Variants in PLEKHG1 observed in about 807,000 individuals in gnomAD.
The protein encoded by PLEKHG1 is pleckstrin homology and RhoGEF domain containing G1.
A neutral mutation model predicts 100.8 loss-of-function variants in PLEKHG1; 44 were observed. The ratio of observed to expected loss-of-function variants is 0.44; its 90% CI spans 0.34 to 0.56. The LOEUF (loss-of-function observed/expected upper bound fraction) is 0.56, where lower values mean the gene tolerates loss of function less well. Among genes scored for constraint, PLEKHG1 ranks in the 20% least tolerant of loss-of-function variants. PLEKHG1 has a pLI of 0.01. For synonymous variants in PLEKHG1, 640 were observed against 662.5 expected (o/e 0.97, Z 0.52); for missense variants, 1,545 against 1,720.9 (o/e 0.90, Z 1.81).
At chr6:150,677,282 CT>C (rs1386876119) in intron 3 of PLEKHG1, among the ~76,000 whole-genome samples, 1 of 119,352 alleles carries the variant, frequency 8.4e-6, no homozygotes, top group Non-Finnish European at 1.8e-5. Flanking sequence ...GTTTCTTCCC[CT>C]ATACACACAC....
intron 1 of PLEKHG1, among the ~76,000 whole-genome samples, chr6:150,618,118 T>C (rs147779695): frequency 6.6e-6 from 1 of 152,368 alleles, no homozygotes; most frequent in African/African-American, 2.4e-5. Context: ...CTCTTGTTGA[T>C]GTTTGCAAAC....
intron 1 of PLEKHG1, among the ~76,000 whole-genome samples, chr6:150,613,784 C>T (rs554732774): frequency 7.2e-5 from 11 of 152,196 alleles, no homozygotes; most frequent in Non-Finnish European, 1.6e-4. Context: ...CTTACTGTGC[C>T]TTATTCCCCT....
At chr6:150,783,856 G>A (rs1785462534) in intron 3 of PLEKHG1, among the ~76,000 whole-genome samples, 2 of 152,028 alleles carry the variant, frequency 1.3e-5, no homozygotes, top group Non-Finnish European at 2.9e-5. Context: ...CATATTTCTA[G>A]AAAAATAATT....
At position 150,795,847 on chromosome 6, in the gene PLEKHG1, T is replaced by C; in HGVS notation, c.583-9T>C. The C allele has an allele frequency of 1.9e-6, 3 of 1,585,052 alleles. No individual in the cohort carries two copies. The highest frequency in any genetic ancestry group is 2.6e-6 in the Non-Finnish European group (3 of 1,154,732). ...GTTGCCTATAAAAATTTCTTTTGTT[T>C]CCTTGCAGAGTGAAGAGTTCCACAT... is the stretch of plus-strand genomic sequence containing the variant. On this transcript the variant is annotated splice_polypyrimidine_tract_variant and intron_variant, in intron 4 of 15. Transcript: ENST00000358517.
chr6:150,799,484 A>G (rs1047031376), intron 5 of PLEKHG1, among the ~76,000 whole-genome samples: 2 of 152,214 alleles, frequency 1.3e-5, no homozygotes, highest in Non-Finnish European at 2.9e-5. Context: ...CCTGTACCCA[A>G]GACTTCCGGG....
rs1776950462 is a variant in PLEKHG1 at position 150,831,792 on chromosome 6, C to T, written c.2681C>T (p.Pro894Leu). 1.2e-6 allele frequency: 2 copies of T among 1,613,118 alleles called. No homozygotes were observed. Among genetic ancestry groups the T allele is most frequent in the Middle Eastern group, 1.7e-4 (1 of 6,058 alleles). ...CGCTCTGTGTCCACGCTGTCCCTGCCTGAGAGCCAGGCTCTCCTCACGCCC... is the reference window on the plus strand; with the variant it reads ...CGCTCTGTGTCCACGCTGTCCCTGCTTGAGAGCCAGGCTCTCCTCACGCCC... The change falls in exon 15 of 16, where the codon CCT becomes CTT. Residue 894 changes from proline to leucine, a missense_variant. Transcript: ENST00000358517. The surrounding 1 kb of genome is among the most constrained non-coding windows in gnomAD (Gnocchi z 4.1).
intron 3 of PLEKHG1, among the ~76,000 whole-genome samples, chr6:150,677,080 G>A (rs1178238389): frequency 1.3e-5 from 2 of 152,014 alleles, no homozygotes; most frequent in East Asian, 3.9e-4. Context: ...TCCTTAGCAG[G>A]TGTCTATCTC....
At chr6:150,794,275 A>G (rs563859809) in intron 4 of PLEKHG1, among the ~76,000 whole-genome samples, 56 of 152,334 alleles carry the variant, frequency 3.7e-4, no homozygotes, top group African/African-American at 1.3e-3. Flanking sequence ...AACAGGCAAA[A>G]GATTTTAAAA....
rs774464059 is a variant in PLEKHG1, at chr6:150,817,554, A to ATT, written c.1279-609_1279-608dup. Among the ~76,000 whole-genome samples, 923 of 115,558 alleles carry ATT rather than the reference A, an allele frequency of 8.0e-3. 23 individuals carry two copies. Among genetic ancestry groups the ATT allele is most frequent in the African/African-American group, 0.031 (859 of 28,128 alleles). 75.8% of individuals were successfully genotyped at this position (115,558 alleles called of 152,430 possible). A position where few individuals can be genotyped will look rare whatever the true frequency, so the allele number is the denominator to read the frequency against. On this transcript the variant is annotated intron_variant, in intron 10 of 15. Transcript: ENST00000358517. ...TCAGGGTTGGGTGGCAAGAATCTGC[A>ATT]TTTTTTTTTTTTTTTTTTTTTGAGA...
chr6:150,667,801 T>C (rs941115202), intron 3 of PLEKHG1, among the ~76,000 whole-genome samples: 4 of 152,208 alleles, frequency 2.6e-5, no homozygotes, highest in Non-Finnish European at 5.9e-5. Context: ...GTGACTCTCC[T>C]TTAGAACTAC....
In PLEKHG1 at chr6:150,644,350, T is replaced by G. The variant is rs577426250; in HGVS notation, c.-158+6225T>G. On this transcript the variant is annotated intron_variant, in intron 2 of 3. Transcript: ENST00000367326. ...TCTTTTCGTGTTTTTTTTTTTTTTT[T>G]TTGTTACAGAGTCTCACTCTGTCAC... 1.7e-4 allele frequency among the ~76,000 whole-genome samples: 25 copies of G among 148,768 alleles called. 1 individual carries two copies. Among genetic ancestry groups the G allele is most frequent in the East Asian group, 3.9e-4 (2 of 5,104 alleles).
At chr6:150,827,731 G>GGAAAGAATT in intron 14 of PLEKHG1, 1 of 1,349,788 alleles carries the variant, frequency 7.4e-7, no homozygotes, top group Non-Finnish European at 1.1e-6. Context: ...TACCCGCCAA[G>GGAAAGAATT]GAAAGAATTG....
At chr6:150,735,303 T>C (rs1478002942) in intron 2 of PLEKHG1, among the ~76,000 whole-genome samples, 1 of 152,168 alleles carries the variant, frequency 6.6e-6, no homozygotes, top group East Asian at 1.9e-4. Context: ...CAGATTTATA[T>C]ATTATAAAGC....
rs372843965 is a variant in PLEKHG1, at chr6:150,809,739, G to A, written c.1278+5G>A. 16 of 1,602,956 alleles carry A rather than the reference G, an allele frequency of 1.0e-5. No homozygotes were observed. Among genetic ancestry groups the A allele is most frequent in the Non-Finnish European group, 1.4e-5 (16 of 1,170,140 alleles). Reference sequence around the variant, plus strand: ...GCAGCCAAGATTCCAGCTAAGGTAGGACACTGAATAATGCACAGTGAAATG... The same window carrying A: ...GCAGCCAAGATTCCAGCTAAGGTAGAACACTGAATAATGCACAGTGAAATG... On this transcript the variant is annotated splice_donor_5th_base_variant and intron_variant, in intron 10 of 15. Coordinates refer to ENST00000358517, the Ensembl canonical transcript of PLEKHG1.
At chr6:150,744,099 G>A (rs1469721694) in intron 2 of PLEKHG1, among the ~76,000 whole-genome samples, 1 of 152,082 alleles carries the variant, frequency 6.6e-6, no homozygotes, top group Non-Finnish European at 1.5e-5. Flanking sequence ...TGTTGAGATG[G>A]AATCTCGCTC....
intron 14 of PLEKHG1, chr6:150,827,542 C>T (rs2128684859): frequency 5.1e-6 from 3 of 589,514 alleles, no homozygotes; most frequent in Middle Eastern, 4.7e-4. Context: ...TTCCAAAGTG[C>T]TGGGATTACA....
chr6:150,669,415 C>T (rs1002657440), intron 3 of PLEKHG1, among the ~76,000 whole-genome samples: 13 of 151,992 alleles, frequency 8.6e-5, no homozygotes, highest in Admixed American at 1.3e-4. Flanking sequence ...CAGCTTGAAC[C>T]CATAAGGCTT....
rs770697459 is a variant in PLEKHG1 at position 150,809,262 on chromosome 6, C to T, written c.1070C>T (p.Thr357Met). Residue 357 changes from threonine to methionine, a missense_variant, in exon 8 of 16, where the codon ACG becomes ATG. By Grantham distance (81) the Thr-to-Met change is moderately conservative. Transcript: ENST00000358517. The stretch of plus-strand genomic sequence containing the variant: ...CTCATCACGAAGAAGAGAGATGACA[C>T]GTTTACATACAAAGCTCACATCCTG... The T allele has an allele frequency of 2.1e-5, 34 of 1,613,946 alleles. 1 individual carries two copies. The highest frequency in any genetic ancestry group is 1.8e-4 in the South Asian group (16 of 91,086).
intron 10 of PLEKHG1, among the ~76,000 whole-genome samples, chr6:150,810,169 C>T (rs1238756909): frequency 2.0e-5 from 3 of 151,758 alleles, no homozygotes; most frequent in Non-Finnish European, 2.9e-5. Context: ...CATGATGGCA[C>T]GCACCTGTAG....
Sources: allele counts gnomAD v4.1 joint callset (sites outside exome capture counted in the v4.1 genomes callset), GRCh38; gene constraint gnomAD v4.1.1; non-coding constraint Gnocchi (gnomAD v3.1); transcripts MANE v1.5; gene names NCBI Gene and HGNC (gene_info 2026-07-23, HGNC 2026-07-21).